The following ASAP1 variants were observed in gnomAD, a reference collection of about 807,000 sequenced individuals.
ASAP1 encodes the protein arf-GAP with SH3 domain, ANK repeat and PH domain-containing protein 1.
A neutral mutation model predicts 145.2 loss-of-function variants in ASAP1; 43 were observed. That is an observed-to-expected ratio of 0.30 (90% confidence interval 0.23 to 0.38). ASAP1 has a LOEUF of 0.38. Ranked by LOEUF, ASAP1 falls within the 10% of genes least tolerant of loss-of-function variation. The pLI, the probability that ASAP1 is intolerant of heterozygous loss-of-function variation, is 1.00. For missense variants in ASAP1, 1,018 were observed against 1,355.3 expected, an observed-to-expected ratio of 0.75 and a Z score of 3.91; for synonymous variants, 546 against 515.5, an observed-to-expected ratio of 1.06 and a Z score of -0.80.
intron 1 of ASAP1, among the ~76,000 whole-genome samples, chr8:130,409,688 C>T (rs1157292092): frequency 6.6e-6 from 1 of 152,182 alleles, no homozygotes; most frequent in African/African-American, 2.4e-5. Flanking sequence ...TGGCTCTGCC[C>T]CCAACCGCCC....
chr8:130,296,800 A>T (rs755312052), intron 3 of ASAP1, among the ~76,000 whole-genome samples: 6 of 152,148 alleles, frequency 3.9e-5, no homozygotes, highest in Non-Finnish European at 7.4e-5. Flanking sequence ...CAAGCAGGTA[A>T]AATTTGCTTT....
In ASAP1 at chr8:130,283,737, A is replaced by G. The variant is rs111544957; in HGVS notation, c.187-46743T>C. On this transcript the variant is annotated intron_variant, in intron 3 of 29. Coordinates refer to ENST00000518721, the MANE Select transcript of ASAP1 (RefSeq NM_018482.4). ...GAAAGTTGTAGTTGAGACTGGATAC[A>G]TGAGGAAGGGTCAGATAATAGGATG... Among the ~76,000 whole-genome samples the G allele has an allele frequency of 8.2e-3, 1,243 of 152,332 alleles. 9 individuals are homozygous for G. Among genetic ancestry groups the G allele is most frequent in the Middle Eastern group, 0.034 (10 of 294 alleles).
intron 28 of ASAP1, among the ~76,000 whole-genome samples, chr8:130,058,755 A>T (rs918960247): frequency 6.6e-6 from 1 of 152,164 alleles, no homozygotes; most frequent in South Asian, 2.1e-4. Flanking sequence ...TGGCAATTTT[A>T]AAAAAAGCAA....
intron 3 of ASAP1, among the ~76,000 whole-genome samples, chr8:130,302,822 G>T (rs1822760397): frequency 1.3e-5 from 2 of 152,170 alleles, no homozygotes; most frequent in Admixed American, 1.3e-4. Flanking sequence ...CACTTCTAAG[G>T]GGAGAAAACT....
chr8:130,128,304 TA>T (rs2097578323), intron 15 of ASAP1, among the ~76,000 whole-genome samples: 1 of 150,824 alleles, frequency 6.6e-6, no homozygotes, highest in Non-Finnish European at 1.5e-5. Context: ...AAATGACACA[TA>T]GGGGAAAATG....
At chr8:130,323,822 T>A (rs770553339) in intron 3 of ASAP1, among the ~76,000 whole-genome samples, 5 of 152,120 alleles carry the variant, frequency 3.3e-5, no homozygotes, top group Non-Finnish European at 4.4e-5. Flanking sequence ...TTGAGAGACA[T>A]CCTTGAGGGC....
At chr8:130,386,263 C>T (rs531490835) in intron 2 of ASAP1, among the ~76,000 whole-genome samples, 1 of 152,252 alleles carries the variant, frequency 6.6e-6, no homozygotes, top group South Asian at 2.1e-4. Context: ...ATTTCTGGGG[C>T]CAGGTTTTAC....
intron 3 of ASAP1, among the ~76,000 whole-genome samples, chr8:130,247,859 C>G (rs770456098): frequency 6.6e-6 from 1 of 152,178 alleles, no homozygotes; most frequent in African/African-American, 2.4e-5. Flanking sequence ...AAATTGAAAA[C>G]TAGTCTTGAC....
intron 27 of ASAP1, among the ~76,000 whole-genome samples, chr8:130,070,079 C>A (rs1407901429): frequency 6.6e-6 from 1 of 152,178 alleles, no homozygotes; most frequent in Non-Finnish European, 1.5e-5. Flanking sequence ...CTCTGTCGCC[C>A]AGGCTGGAGT....
At chr8:130,088,686 G>A (rs2097499169) in intron 25 of ASAP1, among the ~76,000 whole-genome samples, 1 of 152,110 alleles carries the variant, frequency 6.6e-6, no homozygotes, top group African/African-American at 2.4e-5. Flanking sequence ...TCCAGTTTGC[G>A]GTATGCGTTA....
chr8:130,175,536 T>G (rs1011567887), intron 9 of ASAP1, among the ~76,000 whole-genome samples: 1 of 152,006 alleles, frequency 6.6e-6, no homozygotes, highest in Admixed American at 6.6e-5. Flanking sequence ...TGTTGTTGAG[T>G]TTTTTTTATA....
intron 5 of ASAP1, among the ~76,000 whole-genome samples, chr8:130,193,389 A>G (rs1283725627): frequency 6.6e-6 from 1 of 151,912 alleles, no homozygotes; most frequent in Admixed American, 6.6e-5. Flanking sequence ...CCCAAAAAAC[A>G]AAAGACAAAA....
intron 5 of ASAP1, among the ~76,000 whole-genome samples, chr8:130,188,633 C>T (rs1029850789): frequency 6.9e-5 from 10 of 144,290 alleles, no homozygotes; most frequent in African/African-American, 2.6e-4. Flanking sequence ...ACCTGGGAGG[C>T]TGAGGCAGGA....
chr8:130,392,195 T>C (rs781654417), intron 2 of ASAP1, among the ~76,000 whole-genome samples: 6 of 152,220 alleles, frequency 3.9e-5, no homozygotes, highest in Non-Finnish European at 8.8e-5. Flanking sequence ...TGAATCAGCA[T>C]CTCTAAGCAT....
At chr8:130,328,618 T>A (rs1824490243) in intron 3 of ASAP1, among the ~76,000 whole-genome samples, 1 of 151,452 alleles carries the variant, frequency 6.6e-6, no homozygotes, top group South Asian at 2.1e-4. Context: ...GTTCTTTTTT[T>A]TTTTTTTTTA....
At chr8:130,376,306 C>A (rs1379367651) in intron 2 of ASAP1, among the ~76,000 whole-genome samples, 1 of 152,236 alleles carries the variant, frequency 6.6e-6, no homozygotes. Flanking sequence ...CGCATCCAGG[C>A]TGCTTTTCTT....
intron 29 of ASAP1, among the ~76,000 whole-genome samples, chr8:130,055,156 C>G (rs1337021818): frequency 6.6e-6 from 1 of 152,156 alleles, no homozygotes; most frequent in Non-Finnish European, 1.5e-5. Flanking sequence ...GCGTGGGGCT[C>G]TAGAGTCCTT....
Position 130,064,262 on chromosome 8 carries a change from T to C in ASAP1, c.2702-3193A>G, listed in dbSNP as rs574864965. Among the ~76,000 whole-genome samples the C allele has an allele frequency of 9.2e-5, 14 of 152,222 alleles. No homozygotes were observed. In the South Asian group the frequency reaches 1.7e-3, roughly 18 times the overall value. ...GAGATGATGCTCATTTGATCCTAGCTGACAACGGTGGAGATGATGAGAAGT... is the reference window on the plus strand; with the variant it reads ...GAGATGATGCTCATTTGATCCTAGCCGACAACGGTGGAGATGATGAGAAGT... On this transcript the variant is annotated intron_variant, in intron 27 of 29. Transcript: ENST00000518721.
At chr8:130,355,851 C>A (rs1826273733) in intron 3 of ASAP1, among the ~76,000 whole-genome samples, 1 of 152,072 alleles carries the variant, frequency 6.6e-6, no homozygotes, top group Admixed American at 6.6e-5. Flanking sequence ...TTAAAATATG[C>A]CGACCGGAGA....
Sources: allele counts gnomAD v4.1 joint callset (sites outside exome capture counted in the v4.1 genomes callset), GRCh38; gene constraint gnomAD v4.1.1; transcripts MANE v1.5; gene names NCBI Gene and HGNC (gene_info 2026-07-23, HGNC 2026-07-21).